Variants in AFF3 observed in about 807,000 individuals in gnomAD.
AFF3 encodes the protein AF4/FMR2 family member 3.
AFF3 carries 32 observed loss-of-function variants against 129.7 expected under a neutral mutation model. That is an observed-to-expected ratio of 0.25 (90% CI 0.19 to 0.33). The LOEUF is 0.33. AFF3 is among the 10% of genes least tolerant of loss of function. The pLI, the probability that AFF3 is intolerant of heterozygous loss-of-function variation, is 1.00. For missense variants in AFF3, 1,373 were observed against 1,592.0 expected (o/e 0.86, Z 2.34); for synonymous variants, 644 against 635.4 (o/e 1.01, Z -0.20).
At chr2:100,025,254 C>T (rs1381317991) in intron 4 of AFF3, among the ~76,000 whole-genome samples, 1 of 151,994 alleles carries the variant, frequency 6.6e-6, no homozygotes, top group African/African-American at 2.4e-5. Context: ...ACACCAACAG[C>T]CACCAAGCAG....
rs190120390 is a variant in AFF3 at position 100,015,174 on chromosome 2, C to A, written c.54-6242G>T. The stretch of plus-strand genomic sequence containing the variant: ...TTTATGTGGTTTACCCACTGCTAAC[C>A]TATCATTGCTACCTCACTCTAAACA... On this transcript the variant is annotated intron_variant, in intron 4 of 24. Coordinates refer to ENST00000672756, the MANE Select transcript of AFF3 (RefSeq NM_001386135.1). Among the ~76,000 whole-genome samples the A allele has an allele frequency of 1.9e-3, 296 of 152,210 alleles. 2 individuals carry two copies. The highest frequency in any genetic ancestry group is 5.0e-3 in the Admixed American group (77 of 15,298).
chr2:99,883,299 T>G (rs1692862731), intron 7 of AFF3, among the ~76,000 whole-genome samples: 1 of 152,156 alleles, frequency 6.6e-6, no homozygotes, highest in Admixed American at 6.5e-5. Flanking sequence ...AGCTACCCCC[T>G]AAAGGTTTTC....
chr2:99,958,764 G>C (rs1322177719), intron 7 of AFF3, among the ~76,000 whole-genome samples: 3 of 152,060 alleles, frequency 2.0e-5, no homozygotes, highest in Admixed American at 2.0e-4. Context: ...ACCTTTCTGA[G>C]AAACAGATAG....
At chr2:100,074,976 T>C (rs1010564405) in intron 4 of AFF3, among the ~76,000 whole-genome samples, 2 of 152,174 alleles carry the variant, frequency 1.3e-5, no homozygotes, top group Non-Finnish European at 2.9e-5. Context: ...AAAAGGACCA[T>C]TACAGGATCT....
chr2:99,584,904 T>C (rs752693680), intron 16 of AFF3, among the ~76,000 whole-genome samples: 16 of 152,178 alleles, frequency 1.1e-4, no homozygotes, highest in Non-Finnish European at 2.2e-4. Flanking sequence ...GTGGTCACAG[T>C]GGAGAAATTA....
At chr2:100,064,120 GA>G (rs1687527859) in intron 4 of AFF3, among the ~76,000 whole-genome samples, 1 of 129,976 alleles carries the variant, frequency 7.7e-6, no homozygotes, top group Non-Finnish European at 1.8e-5. Context: ...GAAAAGAAAA[GA>G]AAAGAAAAGA....
At chr2:99,894,711 G>A (rs1017997200) in intron 7 of AFF3, among the ~76,000 whole-genome samples, 23 of 151,800 alleles carry the variant, frequency 1.5e-4, no homozygotes, top group African/African-American at 4.4e-4. Flanking sequence ...TCCTGACCTC[G>A]TGATCCGCCT....
chr2:99,759,385 T>C (rs1315092194), intron 8 of AFF3, among the ~76,000 whole-genome samples: 6 of 152,212 alleles, frequency 3.9e-5, no homozygotes, highest in African/African-American at 1.4e-4. Context: ...CAAGAGCATT[T>C]GGATTTACTA....
Position 100,024,701 on chromosome 2 carries a change from T to C in AFF3, c.54-15769A>G, listed in dbSNP as rs182657264. Among the ~76,000 whole-genome samples the C allele has an allele frequency of 6.6e-5, 10 of 152,126 alleles. No individual in the cohort carries two copies. The East Asian group carries it at 9.7e-4, about 15-fold the overall frequency. On this transcript the variant is annotated intron_variant, in intron 4 of 24. Coordinates refer to ENST00000672756, the MANE Select transcript of AFF3 (RefSeq NM_001386135.1). Reference sequence around the variant, plus strand: ...TCTTAGGAGACTGGTTAGTAAATTATAGCACTTCGTACAATAGAAGACTGT... The same window carrying C: ...TCTTAGGAGACTGGTTAGTAAATTACAGCACTTCGTACAATAGAAGACTGT...
Position 99,649,702 on chromosome 2 carries a change from A to G in AFF3, c.1144-36T>C, listed in dbSNP as rs1278923187. ...GAAAGGGCAGAGATGTTTATTTAAT[A>G]TTCTGACTTTTGAATTACGTGCTCA... On this transcript the variant is annotated intron_variant, in intron 12 of 24. Transcript: ENST00000672756. 3.7e-6 allele frequency: 6 copies of G among 1,612,508 alleles called. No homozygotes were observed. In the African/African-American group the frequency reaches 8.0e-5, roughly 22 times the overall value.
At chr2:99,725,662 G>A (rs1157032209) in intron 11 of AFF3, among the ~76,000 whole-genome samples, 2 of 152,168 alleles carry the variant, frequency 1.3e-5, no homozygotes, top group Non-Finnish European at 2.9e-5. Flanking sequence ...CGTAAGGGAA[G>A]GAGAACTTTA....
chr2:100,021,563 G>A (rs956009351), intron 4 of AFF3, among the ~76,000 whole-genome samples: 4 of 152,032 alleles, frequency 2.6e-5, no homozygotes, highest in Admixed American at 1.3e-4. Context: ...CATAATAACA[G>A]TAATATTGAG....
At chr2:99,905,459 A>T (rs1300571206) in intron 7 of AFF3, among the ~76,000 whole-genome samples, 1 of 152,170 alleles carries the variant, frequency 6.6e-6, no homozygotes, top group Non-Finnish European at 1.5e-5. Flanking sequence ...TTGCTCAAAA[A>T]TTAAGACTAT....
rs1414841251 is a variant in AFF3 at position 99,551,343 on chromosome 2, T to C, written c.*131A>G. ...AACACACATGCCCTGCAAAAGATCATTGTTCAATGCTGAGGAAATGTTCAC... is the reference window on the plus strand; with the variant it reads ...AACACACATGCCCTGCAAAAGATCACTGTTCAATGCTGAGGAAATGTTCAC... On this transcript the variant is annotated 3_prime_UTR_variant, in exon 25 of 25. Coordinates refer to ENST00000672756, the MANE Select transcript of AFF3 (RefSeq NM_001386135.1). 7.0e-6 allele frequency: 9 copies of C among 1,288,936 alleles called. No individual in the cohort carries two copies. The highest frequency in any genetic ancestry group is 9.5e-6 in the Non-Finnish European group (9 of 948,138). The allele number at this position is 1,288,936 out of a possible 1,614,324, so 79.8% of individuals were successfully genotyped here.
At chr2:100,079,216 G>A (rs939998227) in intron 4 of AFF3, among the ~76,000 whole-genome samples, 6 of 152,136 alleles carry the variant, frequency 3.9e-5, no homozygotes, top group African/African-American at 1.2e-4. Flanking sequence ...AAAGTGCTGG[G>A]ATTACAGGCA....
At chr2:99,911,880 T>C (rs536261332) in intron 7 of AFF3, among the ~76,000 whole-genome samples, 48 of 152,322 alleles carry the variant, frequency 3.2e-4, no homozygotes, top group Admixed American at 2.2e-3. Flanking sequence ...TTTTAAAAGC[T>C]GTAGGTGGTA....
intron 7 of AFF3, among the ~76,000 whole-genome samples, chr2:99,885,667 C>A (rs1693059661): frequency 6.6e-6 from 1 of 151,990 alleles, no homozygotes; most frequent in Non-Finnish European, 1.5e-5. Flanking sequence ...CATCCATGGC[C>A]CCTTGTAAGT....
intron 10 of AFF3, among the ~76,000 whole-genome samples, chr2:99,730,281 C>CGTA (rs1679717709): frequency 6.6e-6 from 1 of 152,106 alleles, no homozygotes; most frequent in Non-Finnish European, 1.5e-5. Flanking sequence ...AAAATTATAA[C>CGTA]AGTTACCTTT....
At chr2:99,991,794 T>G (rs1680365004) in intron 7 of AFF3, among the ~76,000 whole-genome samples, 1 of 151,936 alleles carries the variant, frequency 6.6e-6, no homozygotes, top group African/African-American at 2.4e-5. Flanking sequence ...CCCTCGCTAC[T>G]CAGGAGGCTG....
Sources: allele counts gnomAD v4.1 joint callset (sites outside exome capture counted in the v4.1 genomes callset), GRCh38; gene constraint gnomAD v4.1.1; transcripts MANE v1.5; gene names NCBI Gene and HGNC (gene_info 2026-07-23, HGNC 2026-07-21).